The following CYRIB variants were observed in gnomAD, a reference collection of about 807,000 sequenced individuals.
CYRIB encodes the protein CYFIP related Rac1 interactor B.
A neutral mutation model predicts 44.2 loss-of-function variants in CYRIB; 8 were observed. That is an observed-to-expected ratio of 0.18 (90% CI 0.11 to 0.33). CYRIB has a LOEUF of 0.33. Among genes scored for constraint, CYRIB ranks in the 10% least tolerant of loss-of-function variants. The pLI, the probability that CYRIB is intolerant of heterozygous loss-of-function variation, is 1.00. For synonymous variants in CYRIB, 131 were observed against 127.2 expected (o/e 1.03, Z -0.20); for missense variants, 185 against 382.8 (o/e 0.48, Z 4.31).
At chr8:130,004,700 C>T (rs2096995456) in intron 1 of CYRIB, 1 of 151,558 alleles carries the variant, frequency 6.6e-6, no homozygotes, top group Non-Finnish European at 1.5e-5. Context: ...TGTACAGCGT[C>T]ACACACACAA....
At chr8:129,914,403 G>A (rs1261338372) in intron 1 of CYRIB, among the ~76,000 whole-genome samples, 2 of 152,130 alleles carry the variant, frequency 1.3e-5, no homozygotes, top group Admixed American at 6.6e-5. Flanking sequence ...TGTCTCAGAG[G>A]AAGTCATGCC....
intron 4 of CYRIB, among the ~76,000 whole-genome samples, chr8:129,866,267 C>T (rs1404435882): frequency 2.0e-5 from 3 of 152,148 alleles, no homozygotes; most frequent in Non-Finnish European, 4.4e-5. Flanking sequence ...TTTCCATAGA[C>T]GAGGCTACTG....
At chr8:129,852,437 T>A (rs1046859363) in intron 7 of CYRIB, among the ~76,000 whole-genome samples, 159 bp from the exon 10 acceptor site, 49 of 152,094 alleles carry the variant, frequency 3.2e-4, no homozygotes, top group African/African-American at 4.3e-4. Context: ...TTATTTTTTT[T>A]AAAAAAAGAT....
chr8:129,969,428 T>C (rs953968232), intron 2 of CYRIB, among the ~76,000 whole-genome samples: 1 of 152,216 alleles, frequency 6.6e-6, no homozygotes, highest in Non-Finnish European at 1.5e-5. Flanking sequence ...CAAGTCAGCT[T>C]AGTCCACCAT....
chr8:129,848,346 T>C (rs1223746159), intron 10 of CYRIB, among the ~76,000 whole-genome samples: 1 of 152,112 alleles, frequency 6.6e-6, no homozygotes, highest in Non-Finnish European at 1.5e-5. Flanking sequence ...CTAAACTAGC[T>C]ATGAAAGGGA....
intron 1 of CYRIB, among the ~76,000 whole-genome samples, chr8:129,935,633 A>G (rs1564177925): frequency 6.6e-6 from 1 of 152,234 alleles, no homozygotes; most frequent in Admixed American, 6.5e-5. Context: ...GTCTGTATCA[A>G]TCTAGAATTT....
chr8:129,895,254 C>G lies in CYRIB; in HGVS notation c.-11+8058G>C, dbSNP rs762428903. Among the ~76,000 whole-genome samples, 18 of 151,182 alleles carry G rather than the reference C, an allele frequency of 1.2e-4. 1 individual carries two copies. Among genetic ancestry groups the G allele is most frequent in the African/African-American group, 3.2e-4 (13 of 41,158 alleles). ...ATGGCCTTAAGCAATCCTCCCCCAC[C>G]CTGGCCTCCTAAAGTGCTGGGATTA... On this transcript the variant is annotated intron_variant, in intron 2 of 11. Transcript: ENST00000519824.
intron 11 of CYRIB, among the ~76,000 whole-genome samples, chr8:129,844,709 T>C (rs554898241): frequency 6.6e-6 from 1 of 152,350 alleles, no homozygotes; most frequent in South Asian, 2.1e-4. Flanking sequence ...TACATACATA[T>C]GGAACTATTC....
rs150514255 is a variant in CYRIB at position 129,925,848 on chromosome 8, C to T, written c.-50+13760G>A. 4.6e-4 allele frequency among the ~76,000 whole-genome samples: 70 copies of T among 152,298 alleles called. No homozygotes were observed. In the South Asian group the frequency reaches 0.01, roughly 22 times the overall value. Reference sequence around the variant, plus strand: ...CTATCTTTACTGGAGGGGGAGTACTCCCCATCCCTCCAACAAAGACAGAGG... The same window carrying T: ...CTATCTTTACTGGAGGGGGAGTACTTCCCATCCCTCCAACAAAGACAGAGG... On this transcript the variant is annotated intron_variant, in intron 1 of 11. Coordinates refer to ENST00000519824, the Ensembl canonical transcript of CYRIB.
chr8:129,925,041 AC>A (rs1235041975), intron 1 of CYRIB, among the ~76,000 whole-genome samples: 1 of 152,002 alleles, frequency 6.6e-6, no homozygotes, highest in African/African-American at 2.4e-5. Context: ...ACTCCTTTCC[AC>A]CTTGCTAACC....
intron 2 of CYRIB, chr8:129,880,502 T>G (rs2133938361): frequency 2.1e-6 from 2 of 933,156 alleles, no homozygotes; most frequent in South Asian, 5.0e-5. Flanking sequence ...AGTAAAAAAT[T>G]TTAAGCAGAG....
rs1282999449 is a variant in CYRIB at position 129,915,036 on chromosome 8, G to A, written c.-49-11686C>T. On this transcript the variant is annotated intron_variant, in intron 1 of 11. Transcript: ENST00000519824. ...AAATACTGTAAATGACCATACCAAG[G>A]GCTGGTGAGAATACAGTGCAAATGA... 2.0e-5 allele frequency among the ~76,000 whole-genome samples: 3 copies of A among 152,044 alleles called. No individual in the cohort carries two copies. In the East Asian group the frequency reaches 5.8e-4, roughly 29 times the overall value.
At position 129,863,309 on chromosome 8, in the gene CYRIB, A is replaced by G. The variant is rs181885406; in HGVS notation, c.196-975T>C. 4.6e-4 allele frequency among the ~76,000 whole-genome samples: 70 copies of G among 152,170 alleles called. No homozygotes were observed. In the South Asian group the frequency reaches 0.01, roughly 22 times the overall value. On this transcript the variant is annotated intron_variant, in intron 4 of 11. Transcript: ENST00000519824. ...TGGGAGGCTGAGGCAGGCGGATCAC[A>G]AGGTCAGGAGTTCGAGACCAGCTTG...
At position 129,851,157 on chromosome 8, in the gene CYRIB, C is replaced by T. The variant is rs145468640; in HGVS notation, c.634-243G>A. 502 of 478,746 alleles carry T rather than the reference C, an allele frequency of 1.0e-3. 1 individual carries two copies. Among genetic ancestry groups the T allele is most frequent in the African/African-American group, 9.6e-3 (484 of 50,350 alleles). The allele number at this position is 478,746 out of a possible 1,614,324, so 29.7% of individuals were successfully genotyped here. A position where few individuals can be genotyped will look rare whatever the true frequency, so the allele number is the denominator to read the frequency against. On this transcript the variant is annotated intron_variant, in intron 8 of 11. Transcript: ENST00000519824. ...CTGCATTCCAGCAATGTAAGAACAA[C>T]TGCAACAATGCAGACAGGGGGTCAA...
chr8:130,007,807 G>A (rs2097137364), intron 1 of CYRIB, among the ~76,000 whole-genome samples: 1 of 151,936 alleles, frequency 6.6e-6, no homozygotes, highest in Non-Finnish European at 1.5e-5. Flanking sequence ...CAACAACAAA[G>A]TACAGGACAC....
chr8:130,002,628 C>T lies in CYRIB; in HGVS notation c.-296+13742G>A, dbSNP rs536098732. Among the ~76,000 whole-genome samples, 18 of 152,354 alleles carry T rather than the reference C, an allele frequency of 1.2e-4. No homozygotes were observed. The South Asian group carries it at 3.5e-3, about 30-fold the overall frequency. On this transcript the variant is annotated intron_variant, in intron 1 of 14. Transcript: ENST00000401979. ...CCTCTGACACCATTTTGGTCTATTT[C>T]CTCAAAGTCTTGTTTCCTATAAATG...
chr8:129,880,776 CAATTT>C (rs1402327052), intron 2 of CYRIB, among the ~76,000 whole-genome samples: 1 of 152,136 alleles, frequency 6.6e-6, no homozygotes, highest in African/African-American at 2.4e-5. Context: ...ATATATTTCT[CAATTT>C]AACAGCAAAA....
chr8:129,857,456 C>T (rs1296963159), intron 5 of CYRIB, among the ~76,000 whole-genome samples: 1 of 152,108 alleles, frequency 6.6e-6, no homozygotes, highest in East Asian at 1.9e-4. Context: ...TGCAACACCA[C>T]CAATATAGGA....
chr8:129,998,796 T>A (rs1237425582), intron 1 of CYRIB, among the ~76,000 whole-genome samples: 1 of 152,176 alleles, frequency 6.6e-6, no homozygotes, highest in Non-Finnish European at 1.5e-5. Flanking sequence ...CCCACCCGGC[T>A]AATTTTTGGA....
Sources: allele counts gnomAD v4.1 joint callset (sites outside exome capture counted in the v4.1 genomes callset), GRCh38; gene constraint gnomAD v4.1.1; transcripts MANE v1.5; gene names NCBI Gene and HGNC (gene_info 2026-07-23, HGNC 2026-07-21).